Variants in KMT2C observed in about 807,000 individuals in gnomAD.
KMT2C encodes lysine methyltransferase 2C.
KMT2C carries 88 observed loss-of-function variants against 507.9 expected under a neutral mutation model. The observed-to-expected ratio is 0.17, with a 90% CI of 0.15 to 0.21. KMT2C has a LOEUF of 0.21. Ranked by LOEUF, KMT2C falls within the 10% of genes least tolerant of loss-of-function variation. KMT2C has a pLI of 1.00. For synonymous variants in KMT2C, 2,049 were observed against 2,080.8 expected (o/e 0.98, Z 0.42); for missense variants, 4,954 against 5,957.8 (o/e 0.83, Z 5.55).
At position 152,291,434 on chromosome 7, in the gene KMT2C, T is replaced by C. The variant is rs1457811176; in HGVS notation, c.850-17567A>G. On this transcript the variant is annotated intron_variant, in intron 6 of 58. Coordinates refer to ENST00000262189, the MANE Select transcript of KMT2C (RefSeq NM_170606.3). ...AAGTACCTGCTAATAAATAATACAG[T>C]AAATAATCAGGCTTTAAACACCTGA... Among the ~76,000 whole-genome samples the C allele has an allele frequency of 1.2e-4, 19 of 152,316 alleles. No individual in the cohort carries two copies. The South Asian group carries it at 1.7e-3, about 13-fold the overall frequency.
chr7:152,217,550 T>C (rs2129144029), intron 23 of KMT2C, among the ~76,000 whole-genome samples: 1 of 152,316 alleles, frequency 6.6e-6, no homozygotes, highest in Admixed American at 6.5e-5. Flanking sequence ...ATTCCTTAAA[T>C]TCTAAAATTG....
intron 6 of KMT2C, among the ~76,000 whole-genome samples, chr7:152,300,857 A>C (rs1214680336): frequency 2.6e-5 from 4 of 152,012 alleles, no homozygotes; most frequent in Admixed American, 2.0e-4. Flanking sequence ...CAAGAGATTG[A>C]GACCATCCTA....
At chr7:152,351,007 G>A (rs1342813180) in intron 2 of KMT2C, among the ~76,000 whole-genome samples, 6 of 151,956 alleles carry the variant, frequency 3.9e-5, no homozygotes, top group Non-Finnish European at 7.4e-5. Flanking sequence ...ACACGAAGTC[G>A]GGATCGTCAC....
Position 152,163,342 on chromosome 7 carries a change from C to T in KMT2C, c.10235G>A (p.Arg3412Gln), listed in dbSNP as rs755625836. The change falls in exon 43 of 59, where the codon CGG (arginine) becomes CAG (glutamine). Residue 3412 changes from arginine to glutamine, a missense_variant. Physicochemically the swap from Arg to Gln is conservative, Grantham distance 43. This residue lies in a region of KMT2C where 801 missense variants were observed against 751.2 expected (regional missense o/e 1.07). Coordinates refer to ENST00000262189, the MANE Select transcript of KMT2C (RefSeq NM_170606.3). ...ATCTACCTCCTGCATGAGTTGGATC[C>T]GTTGTCTCTCTTGCTGTTCTCGTAA... ...ERLREQQERQRIQLMQEVDRQ... is the reference protein window; with the variant it reads ...ERLREQQERQQIQLMQEVDRQ... 16 of 1,614,052 alleles carry T rather than the reference C, an allele frequency of 9.9e-6. No homozygotes were observed. The highest frequency in any genetic ancestry group is 5.5e-5 in the South Asian group (5 of 91,084).
rs571307268 is a variant in KMT2C at position 152,268,272 on chromosome 7, C to T, written c.1013-3063G>A. 5.9e-5 allele frequency among the ~76,000 whole-genome samples: 9 copies of T among 151,276 alleles called. No homozygotes were observed. In the East Asian group the frequency reaches 1.4e-3, roughly 23 times the overall value. ...CCAGCCTGGGGGACAGAGTGAGACC[C>T]TGTCTCAAAAAAAAACTCTGCACAT... is the stretch of plus-strand genomic sequence containing the variant. On this transcript the variant is annotated intron_variant, in intron 7 of 58. Coordinates refer to ENST00000262189, the MANE Select transcript of KMT2C (RefSeq NM_170606.3).
intron 31 of KMT2C, among the ~76,000 whole-genome samples, chr7:152,188,402 T>C (rs1370067094): frequency 1.3e-5 from 2 of 152,134 alleles, no homozygotes; most frequent in Non-Finnish European, 1.5e-5. Context: ...AGATAATGTA[T>C]GTACAGCTCT....
chr7:152,139,233 C>T lies in KMT2C; in HGVS notation c.14487G>A (p.Met4829Ile), dbSNP rs2090234989. The T allele has an allele frequency of 6.2e-7, 1 of 1,613,746 alleles. No homozygotes were observed. The highest frequency in any genetic ancestry group is 8.5e-7 in the Non-Finnish European group (1 of 1,180,046). Residue 4829 changes from methionine to isoleucine, a missense_variant, in exon 57 of 59, where the codon ATG (methionine) becomes ATA (isoleucine). Around this residue, in one of 29 missense-constraint regions of KMT2C, gnomAD observed 133 missense variants for 258.9 expected, o/e 0.51. Coordinates refer to ENST00000262189, the MANE Select transcript of KMT2C (RefSeq NM_170606.3). ...TCGCGTCAATCACATGGTCGTTATC[C>T]ATGCGGAACATGTACACACCACGGT... ...SQNRGVYMFRMDNDHVIDATL... is the reference protein window; with the variant it reads ...SQNRGVYMFRIDNDHVIDATL...
chr7:152,414,214 A>C (rs368916212), intron 1 of KMT2C, among the ~76,000 whole-genome samples: 2 of 151,420 alleles, frequency 1.3e-5, no homozygotes, highest in East Asian at 3.9e-4. Flanking sequence ...TGTTTCAAAA[A>C]AAAAAAAAAA....
chr7:152,254,723 G>A (rs1423430544), intron 9 of KMT2C, among the ~76,000 whole-genome samples: 3 of 152,098 alleles, frequency 2.0e-5, no homozygotes, highest in Admixed American at 6.5e-5. Flanking sequence ...TGGAGCCAAT[G>A]CAAGCATTGA....
chr7:152,354,441 TC>T (rs2097137076), intron 2 of KMT2C, among the ~76,000 whole-genome samples: 1 of 152,078 alleles, frequency 6.6e-6, no homozygotes, highest in African/African-American at 2.4e-5. Context: ...ACAAGACAAA[TC>T]CCCTGACTTC....
intron 34 of KMT2C, among the ~76,000 whole-genome samples, chr7:152,184,217 A>G (rs968248623): frequency 1.3e-5 from 2 of 152,020 alleles, no homozygotes; most frequent in Non-Finnish European, 2.9e-5. Flanking sequence ...AAGTCAAAAT[A>G]AAACACAGCA....
intron 1 of KMT2C, among the ~76,000 whole-genome samples, chr7:152,414,982 G>A (rs368512216): frequency 1.3e-5 from 2 of 151,892 alleles, no homozygotes; most frequent in East Asian, 3.9e-4. Flanking sequence ...CCAAACAGCT[G>A]AGGCAACAGG....
chr7:152,394,502 T>C (rs769848029), intron 1 of KMT2C, among the ~76,000 whole-genome samples: 2 of 152,246 alleles, frequency 1.3e-5, no homozygotes, highest in Non-Finnish European at 2.9e-5. Flanking sequence ...TATCTGCCTT[T>C]GCATTCTTAT....
At chr7:152,416,642 T>C (rs1422803432) in intron 1 of KMT2C, among the ~76,000 whole-genome samples, 2 of 150,698 alleles carry the variant, frequency 1.3e-5, no homozygotes, top group African/African-American at 4.9e-5. Flanking sequence ...GAGAACCGCT[T>C]GATCTCAGGA....
At chr7:152,166,720 C>T (rs996744732) in intron 42 of KMT2C, among the ~76,000 whole-genome samples, 2 of 152,062 alleles carry the variant, frequency 1.3e-5, no homozygotes, top group African/African-American at 2.4e-5. Context: ...TCCCTGGGCC[C>T]CCAATTCTTA....
At chr7:152,251,278 C>A (rs773990286) in intron 11 of KMT2C, among the ~76,000 whole-genome samples, 3 of 152,114 alleles carry the variant, frequency 2.0e-5, no homozygotes, top group Non-Finnish European at 4.4e-5. Flanking sequence ...GAGAACCCAT[C>A]TCTAAAACAA....
intron 3 of KMT2C, among the ~76,000 whole-genome samples, chr7:152,329,224 A>C (rs1443501817): frequency 1.3e-5 from 2 of 152,090 alleles, no homozygotes; most frequent in Non-Finnish European, 2.9e-5. Context: ...CAAAAGATAA[A>C]ATGAGGAGTG....
intron 44 of KMT2C, chr7:152,157,820 T>C: frequency 7.5e-7 from 1 of 1,328,876 alleles, no homozygotes; most frequent in Non-Finnish European, 9.9e-7. Flanking sequence ...CTGCCAAAAG[T>C]TCCTAGAAGT....
rs749604708 is a variant in KMT2C, at chr7:152,199,381, C to T, written c.4171G>A (p.Ala1391Thr). 6.2e-7 allele frequency: 1 copy of T among 1,603,388 alleles called. No individual in the cohort carries two copies. Among genetic ancestry groups the T allele is most frequent in the Non-Finnish European group, 8.5e-7 (1 of 1,176,048 alleles). Reference protein sequence around the residue: ...ISLDNLSEDGAQLLYKTNMNT... With the variant: ...ISLDNLSEDGTQLLYKTNMNT... The stretch of plus-strand genomic sequence containing the variant: ...ATGTTTGTTTTATATAAAAGCTGAG[C>T]TCCATCTTCTGACAGATTATCTAAA... Residue 1391 changes from alanine (A) to threonine (T), a missense_variant, in exon 27 of 59, where the codon GCT becomes ACT. Around this residue, in one of 29 missense-constraint regions of KMT2C, gnomAD observed 140 missense variants for 118.4 expected, o/e 1.18. Transcript: ENST00000262189.
Sources: gnomAD v4.1 joint callset for allele counts (sites outside exome capture counted in the v4.1 genomes callset) on GRCh38, gnomAD v4.1.1 for gene constraint, gnomAD v4.1.1 regional missense constraint, MANE v1.5 for transcripts, NCBI Gene and HGNC (gene_info 2026-07-23, HGNC 2026-07-21) for gene names.